The following EIF4E variants were observed in gnomAD, a reference collection of about 807,000 sequenced individuals.
EIF4E encodes eIF-4F 25 kDa subunit.
For synonymous variants in EIF4E, 71 were observed against 88.5 expected (o/e 0.80, Z 1.11); for missense variants, 113 against 265.6 (o/e 0.43, Z 3.99).
chr4:98,928,081 A>G (rs1721283438), intron 1 of EIF4E, among the ~76,000 whole-genome samples: 1 of 152,230 alleles, frequency 6.6e-6, no homozygotes, highest in Non-Finnish European at 1.5e-5. Context: ...AAAAGTTTCT[A>G]TTTCCAATAA....
At chr4:98,917,125 CACACACACAAAA>C (rs1302855627) in intron 1 of EIF4E, among the ~76,000 whole-genome samples, 3,901 of 60,470 alleles carry the variant, frequency 0.065, 148 homozygotes, top group African/African-American at 0.24. Context: ...CACACACACA[CACACACACAAAA>C]AAAACCCAAA....
chr4:98,885,098 T>C, intron 5 of EIF4E, 37 bp from the exon 6 acceptor site: 1 of 1,595,576 alleles, frequency 6.3e-7, no homozygotes, highest in Non-Finnish European at 8.6e-7. Flanking sequence ...TAATAGATTA[T>C]AAACAAGCTC....
intron 1 of EIF4E, among the ~76,000 whole-genome samples, chr4:98,927,895 G>A (rs528651673): frequency 1.3e-5 from 2 of 152,212 alleles, no homozygotes; most frequent in South Asian, 2.1e-4. Flanking sequence ...AGAAGTTTCA[G>A]TGAGCCAGTC....
intron 1 of EIF4E, among the ~76,000 whole-genome samples, chr4:98,925,202 T>C (rs1234384197): frequency 2.6e-5 from 4 of 152,210 alleles, no homozygotes; most frequent in African/African-American, 4.8e-5. Context: ...CTTATGAAAT[T>C]AGCGTGGTTT....
chr4:98,928,773 C>A, intron 1 of EIF4E: 1 of 1,324,694 alleles, frequency 7.5e-7, no homozygotes, highest in Non-Finnish European at 1.0e-6. Flanking sequence ...CATGAAGACA[C>A]CATCCTCGCA....
In EIF4E at chr4:98,901,759, C is replaced by A. The variant is rs1055714699; in HGVS notation, c.125+117G>T. ...ATGGGTCATCCAAGTGAAAATAGAA[C>A]CCTCAACCTTAGCATATCTAAAACT... is the stretch of plus-strand genomic sequence containing the variant. On this transcript the variant is annotated intron_variant, in intron 2 of 6. Coordinates refer to ENST00000450253, the MANE Select transcript of EIF4E (RefSeq NM_001968.5). The A allele has an allele frequency of 2.8e-5, 27 of 958,204 alleles. No individual in the cohort carries two copies. In the African/African-American group the frequency reaches 2.9e-4, roughly 10 times the overall value. 59.4% of individuals were successfully genotyped at this position (958,204 alleles called of 1,614,324 possible). A position where few individuals can be genotyped will look rare whatever the true frequency, so the allele number is the denominator to read the frequency against.
chr4:98,884,762 C>T (rs555234284), intron 6 of EIF4E, among the ~76,000 whole-genome samples, 160 bp downstream of exon 6: 6 of 151,874 alleles, frequency 4.0e-5, no homozygotes, highest in Admixed American at 1.3e-4. Flanking sequence ...CAAGACGTTG[C>T]GCACCAATTG....
intron 1 of EIF4E, chr4:98,909,538 C>A: frequency 1.6e-6 from 1 of 626,386 alleles, no homozygotes; most frequent in East Asian, 2.8e-5. Context: ...ATAAAAGTTT[C>A]AGGCTTCTAA....
Position 98,896,224 on chromosome 4 carries a change from A to AAAATAAAATAAAATAAAATAAAATT in EIF4E, c.126-4893_126-4892insAATTTTATTTTATTTTATTTTATTT, listed in dbSNP as rs552444898. Among the ~76,000 whole-genome samples, 46 of 146,088 alleles carry AAAATAAAATAAAATAAAATAAAATT rather than the reference A, an allele frequency of 3.1e-4. 6 individuals carry two copies. Among genetic ancestry groups the AAAATAAAATAAAATAAAATAAAATT allele is most frequent in the African/African-American group, 1.2e-3 (44 of 36,060 alleles). On this transcript the variant is annotated intron_variant, in intron 2 of 6. Transcript: ENST00000450253. ...AAAATAAAATAAAATAAAATAAAAT[A>AAAATAAAATAAAATAAAATAAAATT]AGCTAGGCATGATGGCATGTGTCTA... is the stretch of plus-strand genomic sequence containing the variant.
chr4:98,928,921 C>G, intron 1 of EIF4E, 174 bp downstream of exon 1: 1 of 1,570,646 alleles, frequency 6.4e-7, no homozygotes, highest in Non-Finnish European at 8.6e-7. Flanking sequence ...CACGCCGCCT[C>G]GGCCATCCTC....
At chr4:98,886,329 T>G (rs147956897) in intron 5 of EIF4E, 5 of 282,216 alleles carry the variant, frequency 1.8e-5, no homozygotes, top group Non-Finnish European at 3.6e-5. Flanking sequence ...ATATTTAATT[T>G]GTCTTGTAAA....
intron 1 of EIF4E, among the ~76,000 whole-genome samples, chr4:98,925,537 T>C (rs1725830157): frequency 6.6e-6 from 1 of 152,222 alleles, no homozygotes; most frequent in African/African-American, 2.4e-5. Context: ...AGAGGTAAAA[T>C]GTTTCCCTTA....
At position 98,888,042 on chromosome 4, in the gene EIF4E, A is replaced by C. The variant is rs1222348877; in HGVS notation, c.222-90T>G. 43 of 1,089,668 alleles carry C rather than the reference A, an allele frequency of 3.9e-5. No individual in the cohort carries two copies. The South Asian group carries it at 5.9e-4, about 15-fold the overall frequency. The allele number at this position is 1,089,668 out of a possible 1,614,324, so 67.5% of individuals were successfully genotyped here. On this transcript the variant is annotated intron_variant, in intron 3 of 6. Transcript: ENST00000450253. ...ATATATACATTTAGAACATATGATG[A>C]AAATAAACAGATAAAAGTTCATGTT...
chr4:98,881,220 G>T, intron 6 of EIF4E, 78 bp from the exon 7 acceptor site: 3 of 1,526,982 alleles, frequency 2.0e-6, no homozygotes, highest in Non-Finnish European at 2.6e-6. Flanking sequence ...AAAATTTAGG[G>T]TTATTAGTCT....
chr4:98,894,169 C>T (rs1222363935), intron 2 of EIF4E, among the ~76,000 whole-genome samples: 1 of 152,314 alleles, frequency 6.6e-6, no homozygotes, highest in East Asian at 1.9e-4. Context: ...TGCTCCATTT[C>T]TAGAGCATGG....
In EIF4E at chr4:98,879,736, CCAAT is replaced by C. The variant is rs1175126783; in HGVS notation, c.*1288_*1291del. 2 of 152,032 alleles carry C rather than the reference CCAAT, an allele frequency of 1.3e-5. No homozygotes were observed. Among genetic ancestry groups the C allele is most frequent in the South Asian group, 2.1e-4 (1 of 4,824 alleles). The allele number at this position is 152,032 out of a possible 1,614,324, so 9.4% of individuals were successfully genotyped here. On this transcript the variant is annotated 3_prime_UTR_variant, in exon 7 of 7. Transcript: ENST00000450253. ...CCAAGTTTTACAACCACTGTTGCTACCAATCAAATGGTGATGCATCAGATCCCAA... is the reference window on the plus strand; with the variant it reads ...CCAAGTTTTACAACCACTGTTGCTACCAAATGGTGATGCATCAGATCCCAA...
chr4:98,911,561 T>C (rs1725136223), intron 1 of EIF4E, among the ~76,000 whole-genome samples: 1 of 146,440 alleles, frequency 6.8e-6, no homozygotes, highest in South Asian at 2.1e-4. Flanking sequence ...CTCGGGAAGC[T>C]GAGGCAGGAG....
rs1723668137 is a variant in EIF4E at position 98,881,019 on chromosome 4, G to A, written c.*9C>T. The A allele has an allele frequency of 1.9e-6, 3 of 1,606,418 alleles. No homozygotes were observed. Among genetic ancestry groups the A allele is most frequent in the Non-Finnish European group, 2.5e-6 (3 of 1,176,894 alleles). On this transcript the variant is annotated 3_prime_UTR_variant, in exon 7 of 7. Coordinates refer to ENST00000450253, the MANE Select transcript of EIF4E (RefSeq NM_001968.5). Reference sequence around the variant, plus strand: ...CAGTCTCCTATGAGAATACTCAGAAGGTGTCTTCTTAAACAACAAACCTAT... The same window carrying A: ...CAGTCTCCTATGAGAATACTCAGAAAGTGTCTTCTTAAACAACAAACCTAT...
intron 1 of EIF4E, among the ~76,000 whole-genome samples, chr4:98,928,592 G>A (rs1721330852): frequency 6.6e-6 from 1 of 151,708 alleles, no homozygotes; most frequent in Non-Finnish European, 1.5e-5. Flanking sequence ...CCAGTCCACC[G>A]GTCTAAGGAA....
Sources: gnomAD v4.1 joint callset for allele counts (sites outside exome capture counted in the v4.1 genomes callset) on GRCh38, gnomAD v4.1.1 for gene constraint, MANE v1.5 for transcripts, NCBI Gene and HGNC (gene_info 2026-07-23, HGNC 2026-07-21) for gene names.